PDE3A: variants seen among roughly 807,000 people sequenced by gnomAD.
PDE3A encodes cGMP-inhibited 3',5'-cyclic phosphodiesterase 3A.
PDE3A carries 43 observed loss-of-function variants against 98.3 expected under a neutral mutation model. That is an observed-to-expected ratio of 0.44 (90% confidence interval 0.34 to 0.56). The LOEUF (loss-of-function observed/expected upper bound fraction) is 0.56, where lower values mean the gene tolerates loss of function less well. PDE3A is among the 20% of genes least tolerant of loss of function. PDE3A has a pLI of 0.01. For missense variants in PDE3A, 1,427 were observed against 1,440.7 expected (o/e 0.99, Z 0.15); for synonymous variants, 663 against 567.9 (o/e 1.17, Z -2.38).
At chr12:20,668,550 T>A (rs11045378) in intron 15 of PDE3A, among the ~76,000 whole-genome samples, 76,181 of 151,374 alleles carry the variant, frequency 0.5, 19,886 homozygotes, top group East Asian at 0.72. Context: ...CCCTGACCCC[T>A]GAGCAGCCTA....
At chr12:20,421,833 G>A (rs1013616851) in intron 1 of PDE3A, among the ~76,000 whole-genome samples, 3 of 152,138 alleles carry the variant, frequency 2.0e-5, no homozygotes, top group Non-Finnish European at 2.9e-5. Context: ...AATGAGCAAT[G>A]TAAAGTAAAG....
At chr12:20,431,855 C>A (rs998036283) in intron 1 of PDE3A, among the ~76,000 whole-genome samples, 11 of 152,168 alleles carry the variant, frequency 7.2e-5, no homozygotes, top group African/African-American at 2.4e-4. Flanking sequence ...AGTTTAATAA[C>A]ACATTTTGCA....
At chr12:20,550,022 G>A (rs932432218) in intron 1 of PDE3A, among the ~76,000 whole-genome samples, 5 of 152,086 alleles carry the variant, frequency 3.3e-5, no homozygotes, top group South Asian at 2.1e-4. Context: ...AATCGTCATC[G>A]TTAAGATAAT....
At chr12:20,441,940 T>G (rs1160896213) in intron 1 of PDE3A, among the ~76,000 whole-genome samples, 4 of 152,214 alleles carry the variant, frequency 2.6e-5, no homozygotes, top group African/African-American at 9.7e-5. Context: ...ATAGCTTCAT[T>G]TGTAACTACT....
At chr12:20,647,270 T>G (rs1315225303) in intron 12 of PDE3A, among the ~76,000 whole-genome samples, 1 of 152,212 alleles carries the variant, frequency 6.6e-6, no homozygotes, top group East Asian at 1.9e-4. Flanking sequence ...CTGAAAAGAT[T>G]AGAGAACCAA....
At chr12:20,650,395 C>A in intron 13 of PDE3A, 50 bp from the exon 14 acceptor site, 1 of 1,257,090 alleles carries the variant, frequency 8.0e-7, no homozygotes, top group Non-Finnish European at 1.1e-6. Flanking sequence ...TTCTATTCAA[C>A]TTTTGTTTTT....
chr12:20,640,859 A>T (rs1242678569), intron 10 of PDE3A, among the ~76,000 whole-genome samples: 1 of 140,354 alleles, frequency 7.1e-6, no homozygotes, highest in Non-Finnish European at 1.7e-5. Flanking sequence ...ATAATCAAAC[A>T]TAATATATTG....
At chr12:20,403,244 A>G (rs961982220) in intron 1 of PDE3A, among the ~76,000 whole-genome samples, 2 of 152,332 alleles carry the variant, frequency 1.3e-5, no homozygotes, top group East Asian at 3.9e-4. Context: ...TATTTTCCTG[A>G]TGCTGAATGG....
At chr12:20,545,711 G>T (rs986510145) in intron 1 of PDE3A, among the ~76,000 whole-genome samples, 2 of 150,390 alleles carry the variant, frequency 1.3e-5, no homozygotes, top group African/African-American at 4.9e-5. Flanking sequence ...GCTGGGGCCA[G>T]TATGCTGAAA....
At chr12:20,655,364 G>A (rs1295250854) in intron 15 of PDE3A, among the ~76,000 whole-genome samples, 1 of 152,144 alleles carries the variant, frequency 6.6e-6, no homozygotes, top group Non-Finnish European at 1.5e-5. Context: ...CCTGTGCAAA[G>A]GTCCGGGGAT....
chr12:20,495,384 A>G (rs1450811398), intron 1 of PDE3A, among the ~76,000 whole-genome samples: 1 of 152,188 alleles, frequency 6.6e-6, no homozygotes, highest in Non-Finnish European at 1.5e-5. Flanking sequence ...TTTGAAAGGT[A>G]GAATCATACA....
At chr12:20,635,638 A>C (rs1411246428) in intron 8 of PDE3A, among the ~76,000 whole-genome samples, 1 of 151,314 alleles carries the variant, frequency 6.6e-6, no homozygotes, top group Non-Finnish European at 1.5e-5. Flanking sequence ...CTGTAATCCC[A>C]GCTACCTGGG....
chr12:20,483,425 T>C (rs1477122787), intron 1 of PDE3A, among the ~76,000 whole-genome samples: 1 of 152,062 alleles, frequency 6.6e-6, no homozygotes, highest in African/African-American at 2.4e-5. Flanking sequence ...TAAAAGATTG[T>C]AAGCTGTAAC....
intron 15 of PDE3A, among the ~76,000 whole-genome samples, chr12:20,664,850 C>T (rs942435672): frequency 6.6e-6 from 1 of 152,042 alleles, no homozygotes; most frequent in Non-Finnish European, 1.5e-5. Context: ...GACTAACACA[C>T]CCTCAAATAT....
intron 1 of PDE3A, among the ~76,000 whole-genome samples, chr12:20,399,494 A>C (rs1591887707): frequency 6.6e-6 from 1 of 152,192 alleles, no homozygotes; most frequent in East Asian, 1.9e-4. Flanking sequence ...GCATACATGA[A>C]ACACATTTAG....
chr12:20,486,653 A>G (rs1945732340), intron 1 of PDE3A, among the ~76,000 whole-genome samples: 1 of 152,132 alleles, frequency 6.6e-6, no homozygotes, highest in South Asian at 2.1e-4. Flanking sequence ...TGTTTTTTTG[A>G]GACAGAGTCT....
At chr12:20,642,163 A>C (rs1944659500) in intron 10 of PDE3A, among the ~76,000 whole-genome samples, 1 of 152,134 alleles carries the variant, frequency 6.6e-6, no homozygotes, top group African/African-American at 2.4e-5. Context: ...TTTAACTTTA[A>C]TATGATAATG....
At chr12:20,551,711 C>T (rs2121253929) in intron 1 of PDE3A, 8 of 1,613,558 alleles carry the variant, frequency 5.0e-6, no homozygotes, top group South Asian at 2.2e-5. Context: ...TGGTACTGCC[C>T]TGAGTGCCGG....
chr12:20,400,961 G>A (rs1565537556), intron 1 of PDE3A, among the ~76,000 whole-genome samples: 2 of 152,170 alleles, frequency 1.3e-5, no homozygotes, highest in Non-Finnish European at 2.9e-5. Context: ...AAGGGATTAA[G>A]TAATTTACCC....
Sources: allele counts gnomAD v4.1 joint callset (sites outside exome capture counted in the v4.1 genomes callset), GRCh38; gene constraint gnomAD v4.1.1; transcripts MANE v1.5; gene names NCBI Gene and HGNC (gene_info 2026-07-23, HGNC 2026-07-21).